DGKI: variants seen among roughly 807,000 people sequenced by gnomAD.
The protein encoded by DGKI is diacylglycerol kinase iota.
A neutral mutation model predicts 147.5 loss-of-function variants in DGKI; 55 were observed. The ratio of observed to expected loss-of-function variants is 0.37; its 90% confidence interval spans 0.30 to 0.47. The LOEUF (loss-of-function observed/expected upper bound fraction) is 0.47. Ranked by LOEUF, DGKI falls within the 20% of genes least tolerant of loss-of-function variation. The probability of loss-of-function intolerance (pLI) is 1.00; values close to 1 mark genes in which losing one functional copy is unlikely to be tolerated. For missense variants in DGKI, 1,007 were observed against 1,323.8 expected, an observed-to-expected ratio of 0.76 and a Z score of 3.71; for synonymous variants, 469 against 477.1, an observed-to-expected ratio of 0.98 and a Z score of 0.22.
At chr7:137,596,030 A>AAAAAAAAAAAAAAAAG (rs1819784811) in intron 12 of DGKI, among the ~76,000 whole-genome samples, 1 of 132,812 alleles carries the variant, frequency 7.5e-6, no homozygotes, top group African/African-American at 3.7e-5. Flanking sequence ...AAAAAAAAAA[A>AAAAAAAAAAAAAAAAG]AAAGAAAGAA....
At chr7:137,590,599 A>G (rs1819573383) in intron 12 of DGKI, among the ~76,000 whole-genome samples, 1 of 152,260 alleles carries the variant, frequency 6.6e-6, no homozygotes, top group East Asian at 1.9e-4. Context: ...ATGGAACGTT[A>G]GGGGGTTAAT....
chr7:137,627,685 A>T (rs1165344498), intron 6 of DGKI, among the ~76,000 whole-genome samples: 1 of 152,248 alleles, frequency 6.6e-6, no homozygotes, highest in Non-Finnish European at 1.5e-5. Flanking sequence ...TAGTAGCCAC[A>T]ACTAGAGGTC....
chr7:137,557,142 G>C (rs755753349), intron 19 of DGKI, among the ~76,000 whole-genome samples: 4 of 152,106 alleles, frequency 2.6e-5, no homozygotes, highest in Non-Finnish European at 4.4e-5. Flanking sequence ...CACAATTCAC[G>C]TGAGAATAAA....
At chr7:137,725,816 TTCTC>T (rs2116638621) in intron 1 of DGKI, among the ~76,000 whole-genome samples, 1 of 152,282 alleles carries the variant, frequency 6.6e-6, no homozygotes, top group South Asian at 2.1e-4. Context: ...AGTTTTACAT[TTCTC>T]TCCTAGCCTA....
chr7:137,816,804 T>A (rs1797750025), intron 1 of DGKI, among the ~76,000 whole-genome samples: 1 of 152,094 alleles, frequency 6.6e-6, no homozygotes, highest in African/African-American at 2.4e-5. Context: ...AACTTTTGAG[T>A]TAAGACCTGA....
intron 1 of DGKI, among the ~76,000 whole-genome samples, chr7:137,737,944 G>A (rs1795070962): frequency 6.6e-6 from 1 of 152,106 alleles, no homozygotes; most frequent in African/African-American, 2.4e-5. Context: ...CGTGCCACAA[G>A]TTCTGTGCAA....
In DGKI at chr7:137,385,254, T is replaced by C. The variant is rs1811149442; in HGVS notation, c.*5966A>G. 1 of 152,118 alleles carries C rather than the reference T, an allele frequency of 6.6e-6. No individual in the cohort carries two copies. Among genetic ancestry groups the C allele is most frequent in the African/African-American group, 2.4e-5 (1 of 41,446 alleles). The allele number at this position is 152,118 out of a possible 1,614,324, so 9.4% of individuals were successfully genotyped here. On this transcript the variant is annotated 3_prime_UTR_variant, in exon 33 of 33. Coordinates refer to ENST00000614521, the MANE Select transcript of DGKI (RefSeq NM_001321708.2). Reference sequence around the variant, plus strand: ...TCTTAAATTCATGCTTAGTTTAAAATTTTTTAAATGATAACTAACGGCCAT... The same window carrying C: ...TCTTAAATTCATGCTTAGTTTAAAACTTTTTAAATGATAACTAACGGCCAT...
chr7:137,716,126 A>G, intron 1 of DGKI, among the ~76,000 whole-genome samples: 1 of 152,206 alleles, frequency 6.6e-6, no homozygotes, highest in East Asian at 1.9e-4. Context: ...CTTTTGTGTA[A>G]GAGATTGCAT....
Position 137,454,509 on chromosome 7 carries a change from A to G in DGKI, c.2735+8980T>C, listed in dbSNP as rs1266466930. On this transcript the variant is annotated intron_variant, in intron 27 of 32. Coordinates refer to ENST00000614521, the MANE Select transcript of DGKI (RefSeq NM_001321708.2). ...AGAAATAGATAAAATAAAGAGATGA[A>G]GTTGGAGAAAATAATACTTCACAAG... Among the ~76,000 whole-genome samples the G allele has an allele frequency of 2.0e-5, 3 of 152,212 alleles. No homozygotes were observed. In the East Asian group the frequency reaches 5.8e-4, roughly 29 times the overall value.
chr7:137,581,993 C>A, intron 14 of DGKI, 65 bp from the exon 15 acceptor site: 1 of 1,349,306 alleles, frequency 7.4e-7, no homozygotes, highest in Non-Finnish European at 1.1e-6. Context: ...AAGAATAAAA[C>A]CTAAAGCTGG....
At chr7:137,419,827 A>C (rs1412085862) in intron 28 of DGKI, among the ~76,000 whole-genome samples, 1 of 152,248 alleles carries the variant, frequency 6.6e-6, no homozygotes, top group Non-Finnish European at 1.5e-5. Context: ...TATTTGTTAT[A>C]ATAAAAGTTA....
At chr7:137,732,716 G>A (rs986902578) in intron 1 of DGKI, among the ~76,000 whole-genome samples, 1 of 152,064 alleles carries the variant, frequency 6.6e-6, no homozygotes, top group Non-Finnish European at 1.5e-5. Flanking sequence ...AGGTTCCTTC[G>A]GTTTCCTTCC....
chr7:137,531,523 T>G (rs1817338547), intron 20 of DGKI, among the ~76,000 whole-genome samples: 1 of 152,186 alleles, frequency 6.6e-6, no homozygotes, highest in Admixed American at 6.5e-5. Flanking sequence ...CAGTTGGGCT[T>G]GAACCAATGA....
At chr7:137,628,067 G>C (rs1347455379) in intron 6 of DGKI, among the ~76,000 whole-genome samples, 1 of 152,116 alleles carries the variant, frequency 6.6e-6, no homozygotes, top group East Asian at 1.9e-4. Context: ...CTATGAACAA[G>C]AATCTCTTCC....
rs530026998 is a variant in DGKI at position 137,642,191 on chromosome 7, T to C, written c.804+3281A>G. The stretch of plus-strand genomic sequence containing the variant: ...AATGACTCATTGTAAAGAGTTGGCT[T>C]TTATGGATTGCATCAAACAATCCCT... On this transcript the variant is annotated intron_variant, in intron 6 of 32. Coordinates refer to ENST00000614521, the MANE Select transcript of DGKI (RefSeq NM_001321708.2). 3.9e-5 allele frequency among the ~76,000 whole-genome samples: 6 copies of C among 152,336 alleles called. No individual in the cohort carries two copies. The South Asian group carries it at 1.2e-3, about 32-fold the overall frequency.
chr7:137,431,092 C>A (rs1378348192), intron 28 of DGKI, among the ~76,000 whole-genome samples: 2 of 152,090 alleles, frequency 1.3e-5, no homozygotes, highest in Non-Finnish European at 2.9e-5. Context: ...TGAAGAATGG[C>A]TTTGGGTAGA....
intron 23 of DGKI, among the ~76,000 whole-genome samples, chr7:137,481,615 G>A (rs1815374794): frequency 6.6e-6 from 1 of 152,044 alleles, no homozygotes; most frequent in South Asian, 2.1e-4. Context: ...ACCTTGTTAG[G>A]TTAACATGAG....
intron 28 of DGKI, among the ~76,000 whole-genome samples, chr7:137,417,535 C>T (rs1300608430): frequency 2.6e-5 from 4 of 152,136 alleles, no homozygotes; most frequent in African/African-American, 9.7e-5. Context: ...TCTGGGCTCT[C>T]AAGAGTCTGG....
chr7:137,819,273 T>C (rs1350266792), intron 1 of DGKI, among the ~76,000 whole-genome samples: 1 of 151,590 alleles, frequency 6.6e-6, no homozygotes, highest in Non-Finnish European at 1.5e-5. Context: ...CACAGCTTTG[T>C]ACCCACACAG....
Sources: allele counts gnomAD v4.1 joint callset (sites outside exome capture counted in the v4.1 genomes callset), GRCh38; gene constraint gnomAD v4.1.1; transcripts MANE v1.5; gene names NCBI Gene and HGNC (gene_info 2026-07-23, HGNC 2026-07-21).